Variants in NAV2 observed in about 807,000 individuals in gnomAD.
NAV2 encodes the protein helicase, APC down-regulated 1.
A neutral mutation model predicts 223.2 loss-of-function variants in NAV2; 54 were observed. The observed-to-expected ratio is 0.24, with a 90% CI of 0.19 to 0.30. NAV2 has a LOEUF of 0.30. NAV2 is among the 10% of genes least tolerant of loss of function. The pLI is 1.00. For missense variants in NAV2, 2,806 were observed against 3,147.5 expected (o/e 0.89, Z 2.60); for synonymous variants, 1,279 against 1,239.3 (o/e 1.03, Z -0.67).
chr11:20,093,893 G>C (rs529089291), intron 29 of NAV2, among the ~76,000 whole-genome samples: 2 of 152,100 alleles, frequency 1.3e-5, no homozygotes, highest in African/African-American at 4.8e-5. Context: ...ACTGTTTCTC[G>C]AATAAATGTA....
chr11:19,831,227 G>GTA (rs1374687649), intron 1 of NAV2, among the ~76,000 whole-genome samples: 1 of 111,948 alleles, frequency 8.9e-6, no homozygotes, highest in Non-Finnish European at 1.9e-5. Flanking sequence ...GTGTTGCGGG[G>GTA]GGGGGGGGGG....
chr11:19,528,177 C>T (rs1164161826), intron 1 of NAV2, among the ~76,000 whole-genome samples: 6 of 152,080 alleles, frequency 3.9e-5, no homozygotes, highest in Non-Finnish European at 7.4e-5. Flanking sequence ...TGTTTTTAAT[C>T]TGGGAGGGGA....
chr11:19,425,571 C>T (rs1048385410), intron 1 of NAV2, among the ~76,000 whole-genome samples: 1 of 152,196 alleles, frequency 6.6e-6, no homozygotes, highest in Non-Finnish European at 1.5e-5. Flanking sequence ...ACCATATTCT[C>T]TGTTTATTTT....
intron 1 of NAV2, among the ~76,000 whole-genome samples, chr11:19,783,427 T>C (rs1022815306): frequency 6.6e-6 from 1 of 152,190 alleles, no homozygotes; most frequent in African/African-American, 2.4e-5. Context: ...CTTCCATCTC[T>C]CCATGTTATC....
At chr11:20,074,767 T>C (rs1382434386) in intron 22 of NAV2, among the ~76,000 whole-genome samples, 1 of 142,462 alleles carries the variant, frequency 7.0e-6, no homozygotes, top group Non-Finnish European at 1.5e-5. Flanking sequence ...CTGCTTTTTT[T>C]TTTTTTTTTG....
chr11:19,896,938 G>A (rs975594563), intron 6 of NAV2, among the ~76,000 whole-genome samples: 1 of 152,058 alleles, frequency 6.6e-6, no homozygotes, highest in Non-Finnish European at 1.5e-5. Context: ...GCACACATAT[G>A]TTTATTGCGG....
intron 1 of NAV2, among the ~76,000 whole-genome samples, chr11:19,648,843 A>T (rs1286584343): frequency 6.6e-6 from 1 of 152,230 alleles, no homozygotes; most frequent in Non-Finnish European, 1.5e-5. Context: ...GATAAGCCAA[A>T]AAGAAATAAA....
intron 1 of NAV2, among the ~76,000 whole-genome samples, chr11:19,582,715 A>T (rs1206774336): frequency 1.3e-5 from 2 of 152,042 alleles, no homozygotes; most frequent in Non-Finnish European, 2.9e-5. Flanking sequence ...GTTCTGTTCC[A>T]TTGGTCTATA....
intron 1 of NAV2, among the ~76,000 whole-genome samples, chr11:19,354,794 C>G (rs1853520109): frequency 6.6e-6 from 1 of 152,186 alleles, no homozygotes; most frequent in East Asian, 1.9e-4. Flanking sequence ...GTCTTCTGAG[C>G]AGAGACCTTA....
At chr11:19,513,007 C>T (rs937342767) in intron 1 of NAV2, among the ~76,000 whole-genome samples, 11 of 152,184 alleles carry the variant, frequency 7.2e-5, no homozygotes, top group African/African-American at 2.7e-4. Flanking sequence ...ATACGTAACT[C>T]TACCTGCACA....
At chr11:19,491,988 A>G (rs1482910705) in intron 1 of NAV2, among the ~76,000 whole-genome samples, 1 of 146,884 alleles carries the variant, frequency 6.8e-6, no homozygotes, top group Non-Finnish European at 1.5e-5. Context: ...AGAGAGAGAA[A>G]GAGAGATGGG....
chr11:19,736,269 A>G (rs935188842), intron 1 of NAV2, among the ~76,000 whole-genome samples: 2 of 152,216 alleles, frequency 1.3e-5, no homozygotes, highest in Non-Finnish European at 2.9e-5. Flanking sequence ...TAATTTATGC[A>G]GTTTCCACTG....
At chr11:19,666,560 C>T (rs1317250891) in intron 1 of NAV2, among the ~76,000 whole-genome samples, 1 of 152,142 alleles carries the variant, frequency 6.6e-6, no homozygotes, top group Non-Finnish European at 1.5e-5. Context: ...AGTAGGCTCC[C>T]AGACAGATTG....
intron 10 of NAV2, among the ~76,000 whole-genome samples, chr11:19,962,206 C>A (rs907715249): frequency 1.3e-5 from 2 of 151,648 alleles, no homozygotes; most frequent in Admixed American, 6.5e-5. Context: ...GAGGTAGAAT[C>A]CCCTCTTGCT....
chr11:20,082,466 G>A (rs1403032482), intron 25 of NAV2: 3 of 873,098 alleles, frequency 3.4e-6, no homozygotes, highest in Non-Finnish European at 5.8e-6. Flanking sequence ...TCCCCTGTGT[G>A]TGGTGTTTAT....
intron 3 of NAV2, among the ~76,000 whole-genome samples, chr11:19,846,765 G>T (rs1407041010): frequency 2.6e-5 from 4 of 152,144 alleles, no homozygotes; most frequent in Non-Finnish European, 4.4e-5. Context: ...AACCCTCAGT[G>T]CCGCCCTCCT....
rs144408969 is a variant in NAV2 at position 19,621,461 on chromosome 11, A to G, written c.76-211023A>G. Among the ~76,000 whole-genome samples the G allele has an allele frequency of 4.5e-3, 688 of 152,226 alleles. 2 individuals carry two copies. The highest frequency in any genetic ancestry group is 0.016 in the African/African-American group (646 of 41,526). ...TGTTATTGGTCTATTCAGAGATTCA[A>G]CTTCTTCCTGGCTTAGTCTTGGGAG... On this transcript the variant is annotated intron_variant, in intron 1 of 37. Coordinates refer to the NAV2 transcript ENST00000360655.
rs1166738017 is a variant in NAV2, at chr11:19,945,072, CCTTTT to C, written c.2147-1321_2147-1317del. Among the ~76,000 whole-genome samples, 541 of 141,510 alleles carry C rather than the reference CCTTTT, an allele frequency of 3.8e-3. 3 individuals carry two copies. Among genetic ancestry groups the C allele is most frequent in the African/African-American group, 0.011 (410 of 38,910 alleles). The allele number at this position is 141,510 out of a possible 152,430, so 92.8% of individuals were successfully genotyped here. The stretch of plus-strand genomic sequence containing the variant: ...TTTCCTTTTCTCTTTCCTTTCCTTT[CCTTTT>C]CTTTTCTCTTTTCTTCTCTTCTCTT... On this transcript the variant is annotated intron_variant, in intron 8 of 37. Transcript: ENST00000349880.
chr11:19,935,014 G>A (rs998968698), intron 7 of NAV2, among the ~76,000 whole-genome samples: 3 of 152,148 alleles, frequency 2.0e-5, no homozygotes, highest in Non-Finnish European at 2.9e-5. Context: ...TCTGGTCAGC[G>A]ACATTGCTCA....
Sources: allele counts gnomAD v4.1 joint callset (sites outside exome capture counted in the v4.1 genomes callset), GRCh38; gene constraint gnomAD v4.1.1; transcripts MANE v1.5; gene names NCBI Gene and HGNC (gene_info 2026-07-23, HGNC 2026-07-21).